Variants in OGDH observed in about 807,000 individuals in gnomAD.
The protein encoded by OGDH is 2-oxoglutarate dehydrogenase complex component E1.
OGDH carries 38 observed loss-of-function variants against 116.6 expected under a neutral mutation model. The ratio of observed to expected loss-of-function variants is 0.33; its 90% CI spans 0.25 to 0.43. The LOEUF (loss-of-function observed/expected upper bound fraction) is 0.43. Ranked by LOEUF, OGDH falls within the 20% of genes least tolerant of loss-of-function variation. The pLI, the probability that OGDH is intolerant of heterozygous loss-of-function variation, is 1.00. For synonymous variants in OGDH, 488 were observed against 533.3 expected (o/e 0.92, Z 1.17); for missense variants, 825 against 1,357.2 (o/e 0.61, Z 6.16).
Position 44,666,727 on chromosome 7 carries a change from G to T in OGDH, c.518-9G>T. The stretch of plus-strand genomic sequence containing the variant: ...TCATCTGGCTTGTCCTGCCCACATC[G>T]CCCTGCAGGGTTCTATGGCCTGGAT... On this transcript the variant is annotated splice_polypyrimidine_tract_variant and intron_variant, in intron 4 of 22. Transcript: ENST00000222673. The T allele has an allele frequency of 6.3e-7, 1 of 1,579,216 alleles. No homozygotes were observed. Among genetic ancestry groups the T allele is most frequent in the Non-Finnish European group, 8.7e-7 (1 of 1,154,302 alleles).
chr7:44,637,667 C>T (rs1024913234), intron 2 of OGDH, among the ~76,000 whole-genome samples: 5 of 152,110 alleles, frequency 3.3e-5, no homozygotes, highest in Non-Finnish European at 5.9e-5. Flanking sequence ...AAAAATTAAC[C>T]AGACACGATG....
chr7:44,677,167 A>G (rs1787737301), intron 9 of OGDH, among the ~76,000 whole-genome samples: 1 of 152,214 alleles, frequency 6.6e-6, no homozygotes, highest in African/African-American at 2.4e-5. Flanking sequence ...AAAAAAATCA[A>G]ATATTTGTAA....
chr7:44,617,798 A>AT (rs1416015347), intron 1 of OGDH, among the ~76,000 whole-genome samples: 1 of 152,206 alleles, frequency 6.6e-6, no homozygotes, highest in Non-Finnish European at 1.5e-5. Context: ...TCATGTAATG[A>AT]TGTGTGGGTT....
intron 4 of OGDH, among the ~76,000 whole-genome samples, chr7:44,648,249 G>C (rs1242766877): frequency 6.6e-6 from 1 of 152,208 alleles, no homozygotes; most frequent in Non-Finnish European, 1.5e-5. Flanking sequence ...TGGGTCTCCT[G>C]ATTTGTAATT....
At chr7:44,632,705 C>T (rs1477096274) in intron 2 of OGDH, among the ~76,000 whole-genome samples, 2 of 151,966 alleles carry the variant, frequency 1.3e-5, no homozygotes, top group Non-Finnish European at 2.9e-5. Flanking sequence ...GCAACCTCCG[C>T]CTCCCCGGGT....
intron 2 of OGDH, among the ~76,000 whole-genome samples, chr7:44,643,933 G>A (rs554330022): frequency 1.2e-4 from 18 of 152,254 alleles, no homozygotes; most frequent in Admixed American, 7.8e-4. Flanking sequence ...TTTGCCAGGC[G>A]CGATGGCTTA....
chr7:44,683,614 T>C (rs2116250810), intron 10 of OGDH, among the ~76,000 whole-genome samples: 1 of 152,348 alleles, frequency 6.6e-6, no homozygotes, highest in Admixed American at 6.5e-5. Flanking sequence ...GGGTTCCATG[T>C]ACACAGCTTT....
At chr7:44,645,751 G>A (rs1021791485) in intron 3 of OGDH, among the ~76,000 whole-genome samples, 6 of 152,142 alleles carry the variant, frequency 3.9e-5, no homozygotes, top group Non-Finnish European at 8.8e-5. Context: ...CCTTATAAAA[G>A]GGATCCTTAT....
chr7:44,663,491 G>A (rs998422002), intron 4 of OGDH, among the ~76,000 whole-genome samples: 1 of 152,152 alleles, frequency 6.6e-6, no homozygotes, highest in Non-Finnish European at 1.5e-5. Context: ...AAACTAGGCC[G>A]GGTGCTGTGG....
rs1383335164 is a variant in OGDH, at chr7:44,694,178, C to T, written c.1515+174C>T. 1.3e-5 allele frequency among the ~76,000 whole-genome samples: 2 copies of T among 152,148 alleles called. No individual in the cohort carries two copies. The highest frequency in any genetic ancestry group is 2.9e-5 in the Non-Finnish European group (2 of 68,020). ...GCTCCAAATAGTTCAGGCCTGTAAG[C>T]ACCAAGGAATGCTTCCCAGGCAGGA... On this transcript the variant is annotated intron_variant, in intron 11 of 22. Coordinates refer to ENST00000222673, the MANE Select transcript of OGDH (RefSeq NM_002541.4). The surrounding 1 kb of genome is among the most constrained non-coding windows in gnomAD (Gnocchi z 4.2).
chr7:44,675,565 T>C (rs1371066613), intron 8 of OGDH, among the ~76,000 whole-genome samples: 2 of 152,102 alleles, frequency 1.3e-5, no homozygotes, highest in Non-Finnish European at 2.9e-5. Context: ...TCCTTCTGCG[T>C]TGGGTTCCTG....
intron 20 of OGDH, among the ~76,000 whole-genome samples, chr7:44,704,990 C>T (rs572106740): frequency 4.0e-4 from 61 of 150,876 alleles, no homozygotes; most frequent in African/African-American, 1.2e-3. Context: ...GGATTACAGG[C>T]GTGAGGCACT....
intron 18 of OGDH, 94 bp from the exon 19 acceptor site, chr7:44,700,047 C>T: frequency 7.4e-7 from 1 of 1,357,236 alleles, no homozygotes; most frequent in Non-Finnish European, 1.0e-6. Flanking sequence ...TGGGCAGGGA[C>T]AAATATCCAA....
chr7:44,705,710 CTGTT>C (rs1289010409), intron 20 of OGDH, among the ~76,000 whole-genome samples: 2 of 152,042 alleles, frequency 1.3e-5, no homozygotes, highest in African/African-American at 4.8e-5. Context: ...GACTTTTATT[CTGTT>C]TGTATCATAA....
At position 44,697,656 on chromosome 7, in the gene OGDH, A is replaced by C; in HGVS notation, c.2232A>C (p.Glu744Asp). ...GTCCTAATGCCCTGGTCCTCTGGGA[A>C]GCCCAATTTGGTGACTTCCACAACA... ...MASPNALVLW[E>D]AQFGDFHNTA... The change falls in exon 17 of 23, where the codon GAA (glutamate) becomes GAC (aspartate). Residue 744 changes from glutamate to aspartate, a missense_variant. Physicochemically the swap from Glu to Asp is conservative, Grantham distance 45. This residue lies in a region of OGDH where 73 missense variants were observed against 182.3 expected (regional missense o/e 0.40). Transcript: ENST00000222673. The surrounding 1 kb of genome is among the most constrained non-coding windows in gnomAD (Gnocchi z 6.0). The C allele has an allele frequency of 6.2e-7, 1 of 1,614,254 alleles. No homozygotes were observed. The highest frequency in any genetic ancestry group is 8.5e-7 in the Non-Finnish European group (1 of 1,180,048).
chr7:44,707,974 T>G lies in OGDH; in HGVS notation c.3047T>G (p.Leu1016Arg). The change falls in exon 23 of 23, where the codon CTG becomes CGG. Residue 1016 changes from leucine (L) to arginine (R), a missense_variant. Leu to Arg is a moderately radical substitution (Grantham distance 102). This residue lies in a region of OGDH where 212 missense variants were observed against 284.3 expected (regional missense o/e 0.75). Coordinates refer to ENST00000222673, the MANE Select transcript of OGDH (RefSeq NM_002541.4). This position sits in a 1 kb window ranked among gnomAD's most constrained non-coding sequence, Gnocchi z 5.2. ...LQRLLDTAFD[L>R]DVFKNFS is the part of the protein sequence containing the mutation. Reference sequence around the variant, plus strand: ...CGCCTCCTGGACACGGCCTTCGACCTGGACGTCTTCAAGAACTTCTCGTAG... The same window carrying G: ...CGCCTCCTGGACACGGCCTTCGACCGGGACGTCTTCAAGAACTTCTCGTAG... The G allele has an allele frequency of 6.2e-7, 1 of 1,613,740 alleles. No homozygotes were observed. Among genetic ancestry groups the G allele is most frequent in the Non-Finnish European group, 8.5e-7 (1 of 1,179,996 alleles).
At chr7:44,640,821 A>G (rs1033743303) in intron 2 of OGDH, among the ~76,000 whole-genome samples, 2 of 152,090 alleles carry the variant, frequency 1.3e-5, no homozygotes, top group Non-Finnish European at 2.9e-5. Flanking sequence ...TGCGGGTCAC[A>G]TGGTGTGAGG....
At chr7:44,617,780 T>C (rs1784860231) in intron 1 of OGDH, among the ~76,000 whole-genome samples, 2 of 152,134 alleles carry the variant, frequency 1.3e-5, no homozygotes, top group Admixed American at 1.3e-4. Flanking sequence ...ACTCATAGGG[T>C]TTAAGGATCA....
intron 1 of OGDH, among the ~76,000 whole-genome samples, chr7:44,621,644 T>A (rs1785013266): frequency 6.6e-6 from 1 of 151,964 alleles, no homozygotes; most frequent in African/African-American, 2.4e-5. Flanking sequence ...GAGGCTGAGG[T>A]GGGCAGATCA....
Sources: gnomAD v4.1 joint callset for allele counts (sites outside exome capture counted in the v4.1 genomes callset) on GRCh38, gnomAD v4.1.1 for gene constraint, gnomAD v4.1.1 regional missense constraint, Gnocchi (gnomAD v3.1) non-coding constraint, MANE v1.5 for transcripts, NCBI Gene and HGNC (gene_info 2026-07-23, HGNC 2026-07-21) for gene names.